The following ARHGAP35 variants were observed in gnomAD, a reference collection of about 807,000 sequenced individuals.
ARHGAP35 encodes the protein rho GTPase-activating protein 35.
Under a neutral mutation model 111.1 loss-of-function variants are expected in ARHGAP35, and 15 were observed. The ratio of observed to expected loss-of-function variants is 0.13; its 90% CI spans 0.09 to 0.21. The LOEUF is 0.21. Among genes scored for constraint, ARHGAP35 ranks in the 10% least tolerant of loss-of-function variants. ARHGAP35 has a pLI of 1.00. For missense variants in ARHGAP35, 1,262 were observed against 1,873.0 expected, an observed-to-expected ratio of 0.67 and a Z score of 6.02; for synonymous variants, 643 against 710.3, an observed-to-expected ratio of 0.91 and a Z score of 1.51.
intron 3 of ARHGAP35, among the ~76,000 whole-genome samples, chr19:46,962,815 T>C (rs1214555305): frequency 6.6e-6 from 1 of 152,190 alleles, no homozygotes; most frequent in Non-Finnish European, 1.5e-5. Context: ...GGTTTTACCA[T>C]GTTGGCCAGG....
intron 3 of ARHGAP35, among the ~76,000 whole-genome samples, chr19:46,943,574 G>A (rs950015686): frequency 4.6e-5 from 7 of 152,158 alleles, no homozygotes; most frequent in Admixed American, 1.3e-4. Flanking sequence ...ATGGCCATAT[G>A]ACCACACAGT....
rs77817627 is a variant in ARHGAP35 at position 46,980,043 on chromosome 19, G to C, written c.3827-7946G>C. Among the ~76,000 whole-genome samples the C allele has an allele frequency of 6.3e-4, 96 of 152,240 alleles. 1 individual carries two copies. In the East Asian group the frequency reaches 0.015, roughly 24 times the overall value. ...AGGAAACCTTCTCTATGGAGAGGAG[G>C]CCGTCGTTCTTCTCAGGCCAGACAT... is the stretch of plus-strand genomic sequence containing the variant. On this transcript the variant is annotated intron_variant, in intron 3 of 6. Transcript: ENST00000672722.
chr19:47,000,582 C>A lies in ARHGAP35; in HGVS notation c.4394C>A (p.Thr1465Lys), dbSNP rs1240014539. 1.2e-6 allele frequency: 2 copies of A among 1,613,548 alleles called. No individual in the cohort carries two copies. Among genetic ancestry groups the A allele is most frequent in the Non-Finnish European group, 1.7e-6 (2 of 1,179,828 alleles). The part of the protein sequence containing the change: ...VASTVPFLTS[T>K]PVTSQPSPPQ... Reference sequence around the variant, plus strand: ...TCCACCGTCCCCTTCCTCACTTCCACGCCTGTCACAAGTCAGCCGTCGCCC... The same window carrying A: ...TCCACCGTCCCCTTCCTCACTTCCAAGCCTGTCACAAGTCAGCCGTCGCCC... The change falls in exon 7 of 7, where the codon ACG becomes AAG. Residue 1465 changes from threonine to lysine, a missense_variant. This residue lies in a region of ARHGAP35 where 75 missense variants were observed against 87.0 expected (regional missense o/e 0.86). Coordinates refer to ENST00000672722, the MANE Select transcript of ARHGAP35 (RefSeq NM_004491.5). The surrounding 1 kb of genome is among the most constrained non-coding windows in gnomAD (Gnocchi z 6.9).
intron 1 of ARHGAP35, among the ~76,000 whole-genome samples, chr19:46,865,997 C>T (rs982025757): frequency 6.6e-6 from 1 of 152,056 alleles, no homozygotes; most frequent in African/African-American, 2.4e-5. Context: ...TGCACCACCA[C>T]GCCAGGTTAA....
chr19:46,989,014 A>G lies in ARHGAP35; in HGVS notation c.3905-530A>G, dbSNP rs956496662. On this transcript the variant is annotated intron_variant, in intron 4 of 6. Transcript: ENST00000672722. This position sits in a 1 kb window ranked among gnomAD's most constrained non-coding sequence, Gnocchi z 5.3. Reference sequence around the variant, plus strand: ...TCATCAGGAACGCACTGAAGTATGTATGCAATGAGAAGGAAAGCATGACAT... The same window carrying G: ...TCATCAGGAACGCACTGAAGTATGTGTGCAATGAGAAGGAAAGCATGACAT... 6.2e-6 allele frequency: 1 copy of G among 161,418 alleles called. No individual in the cohort carries two copies. Among genetic ancestry groups the G allele is most frequent in the African/African-American group, 2.4e-5 (1 of 41,700 alleles). 10.0% of individuals were successfully genotyped at this position (161,418 alleles called of 1,614,324 possible).
rs2056747053 is a variant in ARHGAP35 at position 47,001,283 on chromosome 19, T to C, written c.*595T>C. 2 of 1,290,072 alleles carry C rather than the reference T, an allele frequency of 1.6e-6. No individual in the cohort carries two copies. The highest frequency in any genetic ancestry group is 1.1e-4 in the East Asian group (2 of 18,050). 79.9% of individuals were successfully genotyped at this position (1,290,072 alleles called of 1,614,324 possible). A position where few individuals can be genotyped will look rare whatever the true frequency, so the allele number is the denominator to read the frequency against. On this transcript the variant is annotated 3_prime_UTR_variant, in exon 7 of 7. Coordinates refer to ENST00000672722, the MANE Select transcript of ARHGAP35 (RefSeq NM_004491.5). This position sits in a 1 kb window ranked among gnomAD's most constrained non-coding sequence, Gnocchi z 5.4. ...GAACAACGGAGGATAGCTTTGTGCC[T>C]GGACCCAGAGAGTGTGGGACTCCCC...
intron 3 of ARHGAP35, among the ~76,000 whole-genome samples, chr19:46,939,089 A>G (rs557388829): frequency 1.8e-4 from 27 of 152,228 alleles, no homozygotes; most frequent in African/African-American, 6.5e-4. Flanking sequence ...TTACAGATCT[A>G]TAGCTTTGTT....
rs1198793887 is a variant in ARHGAP35, at chr19:46,942,807, C to A, written c.3826+5399C>A. Among the ~76,000 whole-genome samples, 20 of 140,220 alleles carry A rather than the reference C, an allele frequency of 1.4e-4. 1 individual carries two copies. The highest frequency in any genetic ancestry group is 2.9e-4 in the Non-Finnish European group (19 of 65,520). 92.0% of individuals were successfully genotyped at this position (140,220 alleles called of 152,430 possible). ...ATCCAGCCTGGGCAACAGAGCAAGA[C>A]CCTGTCTCAGAAAAAAAAAAAAAAA... On this transcript the variant is annotated intron_variant, in intron 3 of 6. Transcript: ENST00000672722.
intron 1 of ARHGAP35, among the ~76,000 whole-genome samples, chr19:46,911,644 C>T (rs1205836092): frequency 6.6e-6 from 1 of 152,192 alleles, no homozygotes; most frequent in Non-Finnish European, 1.5e-5. Flanking sequence ...GTAAGATACT[C>T]TTCATGTGGT....
Position 46,989,414 on chromosome 19 carries a change from C to A in ARHGAP35, c.3905-130C>A. 1 of 1,248,488 alleles carries A rather than the reference C, an allele frequency of 8.0e-7. No homozygotes were observed. Among genetic ancestry groups the A allele is most frequent in the East Asian group, 2.6e-5 (1 of 38,996 alleles). 77.3% of individuals were successfully genotyped at this position (1,248,488 alleles called of 1,614,324 possible). ...TTAGCGCTCACAAGTCCCACCCCTC[C>A]AATCCTTGCCAGTCCTGAGGCCGTC... On this transcript the variant is annotated intron_variant, in intron 4 of 6. Coordinates refer to ENST00000672722, the MANE Select transcript of ARHGAP35 (RefSeq NM_004491.5). This position sits in a 1 kb window ranked among gnomAD's most constrained non-coding sequence, Gnocchi z 5.3.
At position 46,894,445 on chromosome 19, in the gene ARHGAP35, GTT is replaced by G. The variant is rs35723876; in HGVS notation, c.-188-24025_-188-24024del. 5.6e-3 allele frequency among the ~76,000 whole-genome samples: 608 copies of G among 108,084 alleles called. 1 individual carries two copies. The highest frequency in any genetic ancestry group is 0.017 in the African/African-American group (480 of 27,814). The allele number at this position is 108,084 out of a possible 152,430, so 70.9% of individuals were successfully genotyped here. A position where few individuals can be genotyped will look rare whatever the true frequency, so the allele number is the denominator to read the frequency against. ...GGTTTACACTCTATCCTGTTTTTTGGTTTTTTTTTTTTTTTTTTTGGAGACGG... is the reference window on the plus strand; with the variant it reads ...GGTTTACACTCTATCCTGTTTTTTGGTTTTTTTTTTTTTTTTTGGAGACGG... On this transcript the variant is annotated intron_variant, in intron 1 of 6. Coordinates refer to ENST00000672722, the MANE Select transcript of ARHGAP35 (RefSeq NM_004491.5).
intron 3 of ARHGAP35, among the ~76,000 whole-genome samples, chr19:46,962,754 C>T (rs1363172302): frequency 6.6e-6 from 1 of 152,204 alleles, no homozygotes; most frequent in Admixed American, 6.5e-5. Context: ...GATGGGATTA[C>T]AGGCATGCAC....
intron 3 of ARHGAP35, among the ~76,000 whole-genome samples, chr19:46,978,853 G>C (rs2056600961): frequency 7.8e-6 from 1 of 128,106 alleles, no homozygotes; most frequent in Admixed American, 7.8e-5. Flanking sequence ...GTGGTGGGGT[G>C]TGTGTATGGT....
Position 46,926,002 on chromosome 19 carries a change from T to A in ARHGAP35, c.3681+3646T>A, listed in dbSNP as rs1285521191. ...AACTTGTCTGGTCTAGCTGAGGGCTTGAGGGACCAACATTATCCGTCCCGT... is the reference window on the plus strand; with the variant it reads ...AACTTGTCTGGTCTAGCTGAGGGCTAGAGGGACCAACATTATCCGTCCCGT... On this transcript the variant is annotated intron_variant, in intron 2 of 6. Transcript: ENST00000672722. This position sits in a 1 kb window ranked among gnomAD's most constrained non-coding sequence, Gnocchi z 4.1. Among the ~76,000 whole-genome samples, 1 of 152,186 alleles carries A rather than the reference T, an allele frequency of 6.6e-6. No homozygotes were observed. Among genetic ancestry groups the A allele is most frequent in the Non-Finnish European group, 1.5e-5 (1 of 68,042 alleles).
chr19:46,925,151 G>A (rs2056230837), intron 2 of ARHGAP35, among the ~76,000 whole-genome samples: 1 of 152,186 alleles, frequency 6.6e-6, no homozygotes, highest in South Asian at 2.1e-4. Context: ...GAGCAATAGC[G>A]TGCCAGAAGT....
intron 3 of ARHGAP35, among the ~76,000 whole-genome samples, chr19:46,953,240 T>C (rs1248949705): frequency 6.6e-6 from 1 of 152,020 alleles, no homozygotes; most frequent in Non-Finnish European, 1.5e-5. Context: ...CCTTAGTGAT[T>C]AGTGTTTGGG....
rs1242707632 is a variant in ARHGAP35 at position 46,920,655 on chromosome 19, C to T, written c.1980C>T (p.Gly660=). The T allele has an allele frequency of 6.2e-7, 1 of 1,614,006 alleles. No homozygotes were observed. Among genetic ancestry groups the T allele is most frequent in the South Asian group, 1.1e-5 (1 of 91,076 alleles). ...AGACGCCAACATTTCAGCCCCACGGCTGTCTCTGCCTTTACAATTCAAAGG... is the reference window on the plus strand; with the variant it reads ...AGACGCCAACATTTCAGCCCCACGGTTGTCTCTGCCTTTACAATTCAAAGG... ...SFQTPTFQPH[G]CLCLYNSKES... Residue 660 remains glycine, a synonymous_variant, in exon 2 of 7, where the codon GGC becomes GGT. Coordinates refer to ENST00000672722, the MANE Select transcript of ARHGAP35 (RefSeq NM_004491.5). This position sits in a 1 kb window ranked among gnomAD's most constrained non-coding sequence, Gnocchi z 7.0.
chr19:46,867,338 A>G (rs927998300), intron 1 of ARHGAP35, among the ~76,000 whole-genome samples: 1 of 152,098 alleles, frequency 6.6e-6, no homozygotes, highest in Non-Finnish European at 1.5e-5. Context: ...CTCTCCTGAT[A>G]TCTCTGCATT....
At chr19:46,959,655 C>T (rs1054265380) in intron 3 of ARHGAP35, among the ~76,000 whole-genome samples, 19 of 152,292 alleles carry the variant, frequency 1.2e-4, no homozygotes, top group African/African-American at 4.3e-4. Context: ...CCGCCTCAGC[C>T]TCCCAAAGTG....
Sources: gnomAD v4.1 joint callset for allele counts (sites outside exome capture counted in the v4.1 genomes callset) on GRCh38, gnomAD v4.1.1 for gene constraint, gnomAD v4.1.1 regional missense constraint, Gnocchi (gnomAD v3.1) non-coding constraint, MANE v1.5 for transcripts, NCBI Gene and HGNC (gene_info 2026-07-23, HGNC 2026-07-21) for gene names.